The following CPED1 variants were observed in gnomAD, a reference collection of about 807,000 sequenced individuals.
CPED1 encodes the protein cadherin-like and PC-esterase domain-containing protein 1.
A neutral mutation model predicts 128.2 loss-of-function variants in CPED1; 114 were observed. That is an observed-to-expected ratio of 0.89 (90% CI 0.76 to 1.04). The LOEUF (loss-of-function observed/expected upper bound fraction) is 1.04, where lower values mean the gene tolerates loss of function less well. Ranked by LOEUF, CPED1 falls within the 50% of genes least tolerant of loss-of-function variation. The probability of loss-of-function intolerance (pLI) is 0.00; values close to 1 mark genes in which losing one functional copy is unlikely to be tolerated. For synonymous variants in CPED1, 462 were observed against 426.7 expected (o/e 1.08, Z -1.02); for missense variants, 1,211 against 1,207.1 (o/e 1.00, Z -0.05).
At chr7:121,018,354 T>C (rs1353915235) in intron 3 of CPED1, among the ~76,000 whole-genome samples, 4 of 152,184 alleles carry the variant, frequency 2.6e-5, no homozygotes, top group Non-Finnish European at 5.9e-5. Flanking sequence ...ATCTCATGGT[T>C]ATTTTTACCA....
intron 3 of CPED1, among the ~76,000 whole-genome samples, chr7:121,044,482 TA>T (rs1025029767): frequency 9.2e-5 from 14 of 152,006 alleles, no homozygotes; most frequent in African/African-American, 3.4e-4. Context: ...ACAGTATTTT[TA>T]AATTATTAAT....
chr7:121,109,831 A>G (rs1038573659), intron 7 of CPED1, among the ~76,000 whole-genome samples: 3 of 152,190 alleles, frequency 2.0e-5, no homozygotes, highest in African/African-American at 7.2e-5. Context: ...GAAGAAAAAC[A>G]TTATGCTAAG....
rs1792831058 is a variant in CPED1, at chr7:121,296,737, A to G, written c.*1085A>G. On this transcript the variant is annotated 3_prime_UTR_variant, in exon 23 of 23. Transcript: ENST00000310396. ...ATACCTAATTATAGTAGTGAGAACT[A>G]TTTCTTTTATCTCTTTAGGTTCAAA... is the stretch of plus-strand genomic sequence containing the variant. The G allele has an allele frequency of 6.6e-6, 1 of 152,160 alleles. No individual in the cohort carries two copies. The highest frequency in any genetic ancestry group is 1.5e-5 in the Non-Finnish European group (1 of 67,942). The allele number at this position is 152,160 out of a possible 1,614,324, so 9.4% of individuals were successfully genotyped here.
intron 13 of CPED1, 61 bp downstream of exon 13, chr7:121,133,954 A>G: frequency 7.4e-6 from 7 of 941,830 alleles, no homozygotes; most frequent in Non-Finnish European, 1.1e-5. Flanking sequence ...TGGCAAAAAA[A>G]TGCAAAACTA....
intron 16 of CPED1, among the ~76,000 whole-genome samples, chr7:121,170,770 G>A (rs1796634853): frequency 6.6e-6 from 1 of 152,070 alleles, no homozygotes; most frequent in South Asian, 2.1e-4. Context: ...TCAAAAGGAG[G>A]CCAGGCACGG....
At chr7:121,018,634 A>G (rs941284767) in intron 3 of CPED1, among the ~76,000 whole-genome samples, 2 of 152,048 alleles carry the variant, frequency 1.3e-5, no homozygotes, top group African/African-American at 4.8e-5. Flanking sequence ...AGGACAATAA[A>G]TATAGAAGGT....
chr7:121,094,103 A>G (rs574529510), intron 5 of CPED1, among the ~76,000 whole-genome samples: 1 of 152,338 alleles, frequency 6.6e-6, no homozygotes, highest in South Asian at 2.1e-4. Flanking sequence ...GCCCTCAGGC[A>G]GGAGGAACAA....
chr7:121,225,346 G>A (rs2094258010), intron 16 of CPED1, among the ~76,000 whole-genome samples: 1 of 152,180 alleles, frequency 6.6e-6, no homozygotes, highest in Non-Finnish European at 1.5e-5. Context: ...GAGATCCACT[G>A]TTAGTCTGAT....
chr7:121,228,486 A>G (rs1252767438), intron 16 of CPED1, among the ~76,000 whole-genome samples: 1 of 151,868 alleles, frequency 6.6e-6, no homozygotes, highest in East Asian at 1.9e-4. Context: ...GACAAAAAAA[A>G]TAGATGTTGG....
intron 3 of CPED1, among the ~76,000 whole-genome samples, chr7:121,035,660 C>T (rs571454180): frequency 2.3e-4 from 35 of 151,792 alleles, no homozygotes; most frequent in Non-Finnish European, 4.9e-4. Context: ...AGAGTGAGAC[C>T]CCTGTCTCTA....
intron 16 of CPED1, among the ~76,000 whole-genome samples, chr7:121,172,735 C>T (rs1404640217): frequency 6.7e-6 from 1 of 150,226 alleles, no homozygotes; most frequent in Non-Finnish European, 1.5e-5. Flanking sequence ...TATTTTAGGA[C>T]TTTAATATTA....
intron 16 of CPED1, among the ~76,000 whole-genome samples, chr7:121,180,212 A>G (rs545247565): frequency 6.6e-6 from 1 of 152,076 alleles, no homozygotes; most frequent in Non-Finnish European, 1.5e-5. Flanking sequence ...TCTTAAAGTG[A>G]CTCATTATAT....
chr7:121,285,081 C>T (rs1792539422), intron 22 of CPED1, among the ~76,000 whole-genome samples: 1 of 152,184 alleles, frequency 6.6e-6, no homozygotes, highest in African/African-American at 2.4e-5. Flanking sequence ...GGTTCCCAAA[C>T]TTAAATTCTA....
intron 16 of CPED1, among the ~76,000 whole-genome samples, chr7:121,235,395 A>G (rs1255046890): frequency 6.6e-6 from 1 of 152,118 alleles, no homozygotes; most frequent in African/African-American, 2.4e-5. Flanking sequence ...CTGAATCAAG[A>G]TTTTAAGTTC....
rs1187533743 is a variant in CPED1 at position 121,124,259 on chromosome 7, T to C, written c.919-72T>C. 12 of 1,392,692 alleles carry C rather than the reference T, an allele frequency of 8.6e-6. No individual in the cohort carries two copies. The South Asian group carries it at 9.2e-5, about 11-fold the overall frequency. 86.3% of individuals were successfully genotyped at this position (1,392,692 alleles called of 1,614,324 possible). A position where few individuals can be genotyped will look rare whatever the true frequency, so the allele number is the denominator to read the frequency against. On this transcript the variant is annotated intron_variant, in intron 7 of 22. Transcript: ENST00000310396. Reference sequence around the variant, plus strand: ...AGATAACCTAGAACAATCCTTCAAATTGGTCACCTTGAAAATGATAGACAA... The same window carrying C: ...AGATAACCTAGAACAATCCTTCAAACTGGTCACCTTGAAAATGATAGACAA...
intron 22 of CPED1, among the ~76,000 whole-genome samples, chr7:121,293,340 G>A (rs966923242): frequency 2.0e-5 from 3 of 152,100 alleles, no homozygotes; most frequent in African/African-American, 7.2e-5. Flanking sequence ...CTCAGTAATG[G>A]TAGACACCCC....
intron 16 of CPED1, among the ~76,000 whole-genome samples, chr7:121,147,997 T>C (rs1207559758): frequency 6.6e-6 from 1 of 152,170 alleles, no homozygotes; most frequent in Non-Finnish European, 1.5e-5. Flanking sequence ...AGGGCTATTA[T>C]AAAATAGCTC....
At chr7:121,275,387 A>G (rs1260685179) in intron 22 of CPED1, among the ~76,000 whole-genome samples, 2 of 152,120 alleles carry the variant, frequency 1.3e-5, no homozygotes, top group African/African-American at 4.8e-5. Flanking sequence ...ACGTTTTCCT[A>G]GTGTTTACAT....
intron 2 of CPED1, among the ~76,000 whole-genome samples, chr7:121,014,549 C>CAAA (rs34128129): frequency 3.1e-4 from 36 of 116,986 alleles, no homozygotes; most frequent in East Asian, 4.8e-4. Context: ...GACTTTGTCT[C>CAAA]AAAAAAAAAA....
Sources: allele counts gnomAD v4.1 joint callset (sites outside exome capture counted in the v4.1 genomes callset), GRCh38; gene constraint gnomAD v4.1.1; transcripts MANE v1.5; gene names NCBI Gene and HGNC (gene_info 2026-07-23, HGNC 2026-07-21).